The following MCTP2 variants were observed in gnomAD, a reference collection of about 807,000 sequenced individuals.
MCTP2 encodes multiple C2 and transmembrane domain-containing protein 2.
MCTP2 carries 132 observed loss-of-function variants against 111.6 expected under a neutral mutation model. The observed-to-expected ratio is 1.18, with a 90% CI of 1.03 to 1.37. The LOEUF is 1.37. Among genes scored for constraint, MCTP2 ranks in the 40% most tolerant of loss-of-function variants. The pLI is 0.00. For synonymous variants in MCTP2, 395 were observed against 387.7 expected (o/e 1.02, Z -0.22); for missense variants, 1,183 against 1,067.9 (o/e 1.11, Z -1.50).
chr15:94,295,885 A>C (rs576399654), intron 1 of MCTP2, among the ~76,000 whole-genome samples: 1 of 150,676 alleles, frequency 6.6e-6, no homozygotes, highest in Admixed American at 6.7e-5. Flanking sequence ...ATTGCACTCC[A>C]GCCTGGGCAA....
chr15:94,303,490 C>T (rs565956537), intron 2 of MCTP2, among the ~76,000 whole-genome samples: 4 of 152,234 alleles, frequency 2.6e-5, no homozygotes. Flanking sequence ...TTTAGCAACA[C>T]CCTCACAGAC....
In MCTP2 at chr15:94,233,250, C is replaced by G. The variant is rs138559392; in HGVS notation, c.-66+1586C>G. The stretch of plus-strand genomic sequence containing the variant: ...ACCTATCTGTGACTAGTAGATGTAG[C>G]TTTAAAAGATAAAATTTATTATGTG... On this transcript the variant is annotated intron_variant, in intron 1 of 22. Coordinates refer to ENST00000357742, the MANE Select transcript of MCTP2 (RefSeq NM_001385001.1). Among the ~76,000 whole-genome samples the G allele has an allele frequency of 3.9e-5, 6 of 151,924 alleles. No individual in the cohort carries two copies. The East Asian group carries it at 9.7e-4, about 25-fold the overall frequency.
At chr15:94,445,191 A>G (rs934158194) in intron 19 of MCTP2, among the ~76,000 whole-genome samples, 1 of 152,190 alleles carries the variant, frequency 6.6e-6, no homozygotes, top group Non-Finnish European at 1.5e-5. Context: ...GCATGGCCCA[A>G]ACCCATACCA....
intron 4 of MCTP2, among the ~76,000 whole-genome samples, chr15:94,325,731 T>A (rs1284060634): frequency 6.6e-6 from 1 of 151,670 alleles, no homozygotes; most frequent in East Asian, 1.9e-4. Context: ...AAAATGCCCC[T>A]TCATGAGTAA....
chr15:94,418,048 C>A (rs916513464), intron 17 of MCTP2, among the ~76,000 whole-genome samples: 3 of 152,104 alleles, frequency 2.0e-5, no homozygotes, highest in Admixed American at 1.3e-4. Context: ...TGCTTTATTA[C>A]CCAGAGCATT....
intron 4 of MCTP2, among the ~76,000 whole-genome samples, chr15:94,327,347 T>C (rs1297877099): frequency 6.6e-6 from 1 of 152,250 alleles, no homozygotes; most frequent in East Asian, 1.9e-4. Flanking sequence ...CGTAATGATG[T>C]GACGGTCACT....
chr15:94,410,626 G>A (rs746035020), intron 17 of MCTP2, among the ~76,000 whole-genome samples: 1 of 152,122 alleles, frequency 6.6e-6, no homozygotes, highest in African/African-American at 2.4e-5. Context: ...GTTATGCAGT[G>A]TAACACAGCC....
At position 94,479,021 on chromosome 15, in the gene MCTP2, G is replaced by A. The variant is rs529691316; in HGVS notation, c.2624G>A (p.Arg875His). ...CSSHSPLRKK[R>H]SAL ...AGCCACAGCCCCCTGCGGAAGAAGCGCAGCGCTCTCTAGGGCACACACCGA... is the reference window on the plus strand; with the variant it reads ...AGCCACAGCCCCCTGCGGAAGAAGCACAGCGCTCTCTAGGGCACACACCGA... The change falls in exon 23 of 23, where the codon CGC becomes CAC. Residue 875 changes from arginine (R) to histidine (H), a missense_variant. Arg to His is a conservative substitution (Grantham distance 29). Coordinates refer to ENST00000357742, the MANE Select transcript of MCTP2 (RefSeq NM_001385001.1). The A allele has an allele frequency of 3.7e-5, 59 of 1,614,050 alleles. 2 individuals carry two copies. In the South Asian group the frequency reaches 4.4e-4, roughly 12 times the overall value.
At position 94,439,629 on chromosome 15, in the gene MCTP2, T is replaced by C. The variant is rs1241011025; in HGVS notation, c.2086-547T>C. On this transcript the variant is annotated intron_variant, in intron 17 of 22. Transcript: ENST00000357742. ...TGTGAGGAGTCACAAATTTCAGAGG[T>C]TGACAGAAATTGGGCAGCTAAGGGC... Among the ~76,000 whole-genome samples, 6 of 152,176 alleles carry C rather than the reference T, an allele frequency of 3.9e-5. No homozygotes were observed. In the East Asian group the frequency reaches 1.2e-3, roughly 29 times the overall value.
At position 94,470,454 on chromosome 15, in the gene MCTP2, A is replaced by G; in HGVS notation, c.2470+12A>G. ...CATTTTAATCTGGGGTAAGTTTGGA[A>G]TGGTCCTTTTGCTAGCAATCAATTC... On this transcript the variant is annotated intron_variant, in intron 21 of 22. Transcript: ENST00000357742. 1.9e-6 allele frequency: 3 copies of G among 1,539,030 alleles called. No individual in the cohort carries two copies. The highest frequency in any genetic ancestry group is 1.7e-4 in the Middle Eastern group (1 of 5,930).
At chr15:94,393,699 T>G (rs1041609638) in intron 14 of MCTP2, among the ~76,000 whole-genome samples, 4 of 152,122 alleles carry the variant, frequency 2.6e-5, no homozygotes, top group African/African-American at 4.8e-5. Flanking sequence ...TAGTACAGTA[T>G]ATACATTTTC....
intron 20 of MCTP2, 100 bp from the exon 21 acceptor site, chr15:94,470,233 A>G (rs1308817652): frequency 2.1e-6 from 2 of 953,130 alleles, no homozygotes; most frequent in African/African-American, 1.7e-5. Context: ...GACTGTAAAA[A>G]AAATTTCTAT....
chr15:94,390,456 C>T (rs1055799615), intron 14 of MCTP2, among the ~76,000 whole-genome samples: 2 of 152,092 alleles, frequency 1.3e-5, no homozygotes, highest in African/African-American at 4.8e-5. Flanking sequence ...AATTCACTGA[C>T]TCAATAGACT....
At chr15:94,254,059 C>G (rs1477400124) in intron 1 of MCTP2, among the ~76,000 whole-genome samples, 1 of 152,112 alleles carries the variant, frequency 6.6e-6, no homozygotes, top group Non-Finnish European at 1.5e-5. Context: ...GCTGTGAATA[C>G]CTCGATATTT....
intron 6 of MCTP2, 46 bp from the exon 7 acceptor site, chr15:94,340,767 G>A (rs746051690): frequency 1.2e-5 from 14 of 1,215,724 alleles, no homozygotes; most frequent in Admixed American, 3.5e-5. Flanking sequence ...GGTCAATACA[G>A]TCCTGTCAAT....
chr15:94,473,950 C>T (rs1201459172), intron 21 of MCTP2, among the ~76,000 whole-genome samples: 1 of 84,796 alleles, frequency 1.2e-5, no homozygotes, highest in Non-Finnish European at 2.3e-5. Flanking sequence ...TGATTTTCTC[C>T]AAGTGATTTT....
chr15:94,247,923 T>C (rs1249705809), intron 1 of MCTP2, among the ~76,000 whole-genome samples: 1 of 152,156 alleles, frequency 6.6e-6, no homozygotes, highest in Non-Finnish European at 1.5e-5. Flanking sequence ...ATGTGCCAGG[T>C]ATTGATGTGG....
chr15:94,426,794 A>G (rs1016440257), intron 17 of MCTP2, among the ~76,000 whole-genome samples: 3 of 152,130 alleles, frequency 2.0e-5, no homozygotes, highest in African/African-American at 7.2e-5. Context: ...TAGAGTAGGC[A>G]TTTAGAATAT....
At chr15:94,476,605 CAGATAGATAGATAGATAGATAGAT>C (rs10574224) in intron 21 of MCTP2, 67 bp from the exon 22 acceptor site, 28 of 637,604 alleles carry the variant, frequency 4.4e-5, no homozygotes, top group African/African-American at 9.5e-5. Context: ...GATTGACTGA[CAGATAGATAGATAGATAGATAGAT>C]AGATAGATAG....
Sources: gnomAD v4.1 joint callset for allele counts (sites outside exome capture counted in the v4.1 genomes callset) on GRCh38, gnomAD v4.1.1 for gene constraint, MANE v1.5 for transcripts, NCBI Gene and HGNC (gene_info 2026-07-23, HGNC 2026-07-21) for gene names.